Variants in ZNF253 observed in about 807,000 individuals in gnomAD.
ZNF253 encodes the protein zinc finger protein 253.
In ZNF253, 8 loss-of-function variants were observed where a neutral mutation model predicts 11.9. The ratio of observed to expected loss-of-function variants is 0.67; its 90% CI spans 0.40 to 1.22. ZNF253 has a LOEUF of 1.22. Among genes scored for constraint, ZNF253 ranks in the 50% most tolerant of loss-of-function variants. The pLI is 0.01. For synonymous variants in ZNF253, 194 were observed against 194.9 expected (o/e 1.00, Z 0.04); for missense variants, 485 against 586.9 (o/e 0.83, Z 1.79).
At chr19:19,881,941 C>A (rs952323837) in intron 3 of ZNF253, among the ~76,000 whole-genome samples, 1 of 151,904 alleles carries the variant, frequency 6.6e-6, no homozygotes, top group Admixed American at 6.6e-5. Context: ...GTAATCCCAA[C>A]ATGTTGAAAG....
At chr19:19,879,219 T>TA (rs201483285) in intron 2 of ZNF253, among the ~76,000 whole-genome samples, 60 of 151,570 alleles carry the variant, frequency 4.0e-4, no homozygotes, top group African/African-American at 9.2e-4. Context: ...CTTAACATGG[T>TA]AAAAAAAAAT....
chr19:19,882,907 G>A (rs918338879), intron 3 of ZNF253, among the ~76,000 whole-genome samples: 1 of 151,076 alleles, frequency 6.6e-6, no homozygotes, highest in South Asian at 2.1e-4. Context: ...GGAAGCAGAG[G>A]TTGCAATGAG....
At chr19:19,886,514 G>C (rs2063206874) in intron 3 of ZNF253, among the ~76,000 whole-genome samples, 1 of 152,152 alleles carries the variant, frequency 6.6e-6, no homozygotes, top group Non-Finnish European at 1.5e-5. Context: ...TTTGGATCAT[G>C]GGGCAAATTT....
chr19:19,879,846 T>G (rs1163146772), intron 2 of ZNF253, among the ~76,000 whole-genome samples: 1 of 152,206 alleles, frequency 6.6e-6, no homozygotes, highest in Non-Finnish European at 1.5e-5. Flanking sequence ...CTACCACTAA[T>G]TTTTGATTCA....
Position 19,893,829 on chromosome 19 carries a change from T to A in ZNF253, c.*1082T>A, listed in dbSNP as rs1048963042. 39 of 152,188 alleles carry A rather than the reference T, an allele frequency of 2.6e-4. No individual in the cohort carries two copies. Among genetic ancestry groups the A allele is most frequent in the African/African-American group, 9.4e-4 (39 of 41,436 alleles). The allele number at this position is 152,188 out of a possible 1,614,324, so 9.4% of individuals were successfully genotyped here. ...GTAGTGCCTTTACTTGTGTCACAGA[T>A]CTTAGTGCACACATGTAGTACTAGA... On this transcript the variant is annotated 3_prime_UTR_variant, in exon 4 of 4. Transcript: ENST00000589717.
chr19:19,870,570 CT>C (rs2063129996), intron 1 of ZNF253, among the ~76,000 whole-genome samples: 1 of 151,998 alleles, frequency 6.6e-6, no homozygotes, highest in Non-Finnish European at 1.5e-5. Context: ...ATTTTATTAT[CT>C]TTTATTTCAC....
intron 1 of ZNF253, among the ~76,000 whole-genome samples, chr19:19,877,336 T>G (rs2063159709): frequency 6.6e-6 from 1 of 152,178 alleles, no homozygotes; most frequent in African/African-American, 2.4e-5. Flanking sequence ...TTACTTTCTT[T>G]GGGAGGAATA....
chr19:19,879,997 C>G, intron 2 of ZNF253, 54 bp from the exon 3 acceptor site: 3 of 1,296,488 alleles, frequency 2.3e-6, no homozygotes, highest in Non-Finnish European at 3.3e-6. Context: ...ACAGTACTAG[C>G]TTGTAATGGG....
chr19:19,883,267 G>A (rs567266347), intron 3 of ZNF253, among the ~76,000 whole-genome samples: 6 of 152,110 alleles, frequency 3.9e-5, no homozygotes, highest in African/African-American at 1.4e-4. Flanking sequence ...TTTAAAACTT[G>A]TTTTAAAAAC....
intron 1 of ZNF253, among the ~76,000 whole-genome samples, chr19:19,877,174 G>T (rs149515332): frequency 6.6e-6 from 1 of 152,244 alleles, no homozygotes; most frequent in Non-Finnish European, 1.5e-5. Flanking sequence ...TTATTACCCA[G>T]AAAGTTCTGA....
chr19:19,875,895 C>T (rs1440801954), intron 1 of ZNF253, among the ~76,000 whole-genome samples: 1 of 152,138 alleles, frequency 6.6e-6, no homozygotes, highest in African/African-American at 2.4e-5. Context: ...GTGTTATGCC[C>T]AGCACAGTGC....
intron 1 of ZNF253, 55 bp from the exon 2 acceptor site, chr19:19,878,426 A>T (rs2063164218): frequency 6.2e-7 from 1 of 1,612,536 alleles, no homozygotes. Flanking sequence ...CTTAAGTCAA[A>T]TTAAAAATTC....
intron 3 of ZNF253, among the ~76,000 whole-genome samples, chr19:19,885,350 CTTT>C: frequency 1.7e-5 from 1 of 58,898 alleles, no homozygotes; most frequent in Non-Finnish European, 2.6e-5. Flanking sequence ...TTCTTTCTTT[CTTT>C]CTTCCTTTCT....
At chr19:19,882,341 G>A (rs1036774480) in intron 3 of ZNF253, among the ~76,000 whole-genome samples, 1 of 152,124 alleles carries the variant, frequency 6.6e-6, no homozygotes, top group African/African-American at 2.4e-5. Context: ...GGCCCTTAGG[G>A]TGATGAGATA....
At chr19:19,866,063 C>G (rs1292912361) in intron 1 of ZNF253, 64 bp downstream of exon 1, 2 of 1,607,302 alleles carry the variant, frequency 1.2e-6, no homozygotes, top group Non-Finnish European at 1.7e-6. Context: ...GGAAGTGGCT[C>G]TGGCGGGACT....
Position 19,891,843 on chromosome 19 carries a change from C to T in ZNF253, c.596C>T (p.Pro199Leu). 1 of 1,614,142 alleles carries T rather than the reference C, an allele frequency of 6.2e-7. No individual in the cohort carries two copies. Among genetic ancestry groups the T allele is most frequent in the African/African-American group, 1.3e-5 (1 of 75,056 alleles). ...THKKIHTGEKPYRCEECGKAF... is the reference protein window; with the variant it reads ...THKKIHTGEKLYRCEECGKAF... ...AAGAAAATTCATACTGGAGAGAAACCTTACAGATGTGAAGAATGTGGCAAA... is the reference window on the plus strand; with the variant it reads ...AAGAAAATTCATACTGGAGAGAAACTTTACAGATGTGAAGAATGTGGCAAA... The change falls in exon 4 of 4, where the codon CCT (proline) becomes CTT (leucine). Residue 199 changes from proline (P) to leucine (L), a missense_variant. Transcript: ENST00000589717.
chr19:19,867,849 T>G lies in ZNF253; in HGVS notation c.3+1850T>G, dbSNP rs377419802. 5.3e-5 allele frequency among the ~76,000 whole-genome samples: 8 copies of G among 152,208 alleles called. No individual in the cohort carries two copies. The East Asian group carries it at 7.7e-4, about 15-fold the overall frequency. ...AAGCATTCCCTTTTCTCTGCAACCT[T>G]GCCAGCATCTGTTATTTTTTGACTT... On this transcript the variant is annotated intron_variant, in intron 1 of 3. Transcript: ENST00000589717.
chr19:19,887,077 T>C (rs2063209233), intron 3 of ZNF253, among the ~76,000 whole-genome samples: 1 of 152,048 alleles, frequency 6.6e-6, no homozygotes, highest in African/African-American at 2.4e-5. Flanking sequence ...TACCAGTCTA[T>C]GTCTCATGGT....
rs2063108953 is a variant in ZNF253 at position 19,865,957 on chromosome 19, A to G, written c.-40A>G. On this transcript the variant is annotated 5_prime_UTR_variant, in exon 1 of 4. Coordinates refer to ENST00000589717, the MANE Select transcript of ZNF253 (RefSeq NM_021047.3). ...GGCCGTGTGACCTGCAAGTATTGGG[A>G]GAGCCACAGCTAAACCCCGGGACCC... 6.2e-7 allele frequency: 1 copy of G among 1,614,070 alleles called. No homozygotes were observed. The highest frequency in any genetic ancestry group is 8.5e-7 in the Non-Finnish European group (1 of 1,179,994).
Sources: allele counts gnomAD v4.1 joint callset (sites outside exome capture counted in the v4.1 genomes callset), GRCh38; gene constraint gnomAD v4.1.1; transcripts MANE v1.5; gene names NCBI Gene and HGNC (gene_info 2026-07-23, HGNC 2026-07-21).